CYP4F12: variants seen among roughly 807,000 people sequenced by gnomAD.
CYP4F12 encodes cytochrome P450 4F12.
In CYP4F12, 60 loss-of-function variants were observed where a neutral mutation model predicts 56.5. The observed-to-expected ratio is 1.06, with a 90% CI of 0.86 to 1.32. The LOEUF is 1.32. CYP4F12 is among the 40% of genes most tolerant of loss of function. The pLI is 0.00. For synonymous variants in CYP4F12, 263 were observed against 264.9 expected, an observed-to-expected ratio of 0.99 and a Z score of 0.07; for missense variants, 711 against 683.5, an observed-to-expected ratio of 1.04 and a Z score of -0.45.
rs1278226577 is a variant in CYP4F12, at chr19:15,696,041, T to C, written c.1221T>C (p.Val407=). 6.2e-7 allele frequency: 1 copy of C among 1,613,872 alleles called. No individual in the cohort carries two copies. Among genetic ancestry groups the C allele is most frequent in the South Asian group, 1.1e-5 (1 of 91,074 alleles). Residue 407 remains valine, a synonymous_variant, in exon 10 of 13, where the codon GTT becomes GTC. Transcript: ENST00000550308. The part of the protein sequence containing the change: ...FISRCCTQDI[V]LPDGRVIPKG... ...CCCGATGCTGCACCCAGGACATTGT[T>C]CTCCCAGATGGCCGAGTCATCCCCA...
At chr19:15,689,171 A>C (rs2007760516) in intron 9 of CYP4F12, among the ~76,000 whole-genome samples, 1 of 152,000 alleles carries the variant, frequency 6.6e-6, no homozygotes. Flanking sequence ...CAACCTACAG[A>C]GTGGGGGAAA....
At chr19:15,685,234 T>C (rs755678697) in intron 9 of CYP4F12, 37 bp downstream of exon 9, 40 of 1,604,334 alleles carry the variant, frequency 2.5e-5, no homozygotes, top group Non-Finnish European at 3.2e-5. Flanking sequence ...CCTGAGCCCA[T>C]CATTGGTTCT....
At chr19:15,690,827 C>T (rs988487317) in intron 9 of CYP4F12, among the ~76,000 whole-genome samples, 3 of 152,216 alleles carry the variant, frequency 2.0e-5, no homozygotes, top group Non-Finnish European at 4.4e-5. Flanking sequence ...CTAATATCCT[C>T]CCTTTCTCCA....
chr19:15,697,117 A>C lies in CYP4F12; in HGVS notation c.*32A>C. ...GACCCATCCACCTGTTTTTTTGCAG[A>C]TTGTCATGAATAAAACGGTGCTGTC... On this transcript the variant is annotated 3_prime_UTR_variant, in exon 13 of 13. Transcript: ENST00000550308. 1 of 1,594,204 alleles carries C rather than the reference A, an allele frequency of 6.3e-7. No homozygotes were observed. The highest frequency in any genetic ancestry group is 8.6e-7 in the Non-Finnish European group (1 of 1,166,182).
Position 15,680,520 on chromosome 19 carries a change from G to C in CYP4F12, c.525+1G>C. 1.9e-6 allele frequency: 3 copies of C among 1,614,150 alleles called. No homozygotes were observed. Among genetic ancestry groups the C allele is most frequent in the South Asian group, 2.2e-5 (2 of 91,078 alleles). ...CAACAAGAGTGCAAACATCATGCTTGTGAGTCCCTTGAAGTCTGGGTCCCA... is the reference window on the plus strand; with the variant it reads ...CAACAAGAGTGCAAACATCATGCTTCTGAGTCCCTTGAAGTCTGGGTCCCA... On this transcript the variant is annotated splice_donor_variant, in intron 5 of 12. Transcript: ENST00000550308. LOFTEE classifies it high-confidence loss of function.
rs921212771 is a variant in CYP4F12, at chr19:15,696,992, C to G, written c.1482C>G (p.Asp494Glu). ...LMLLHFRFLP[D>E]HTEPRRKLEL... ...TGCTGCACTTCCGGTTCCTGCCAGA[C>G]CACACTGAGCCCCGCAGGAAGCTGG... is the stretch of plus-strand genomic sequence containing the variant. The change falls in exon 13 of 13, where the codon GAC becomes GAG. Residue 494 changes from aspartate to glutamate, a missense_variant. Physicochemically the swap from Asp to Glu is conservative, Grantham distance 45. Transcript: ENST00000550308. 6.2e-7 allele frequency: 1 copy of G among 1,614,236 alleles called. No homozygotes were observed. Among genetic ancestry groups the G allele is most frequent in the Admixed American group, 1.7e-5 (1 of 60,024 alleles).
chr19:15,677,670 C>T (rs2007035527), intron 2 of CYP4F12, among the ~76,000 whole-genome samples: 1 of 135,170 alleles, frequency 7.4e-6, no homozygotes, highest in Non-Finnish European at 1.6e-5. Flanking sequence ...ACTCATTCCT[C>T]TCCTCACTCA....
intron 6 of CYP4F12, among the ~76,000 whole-genome samples, chr19:15,683,089 AGACAGAG>A (rs2007397702): frequency 1.3e-5 from 2 of 151,764 alleles, no homozygotes; most frequent in East Asian, 3.9e-4. Context: ...AGAGACAGAG[AGACAGAG>A]AGAGAGAGAG....
At position 15,696,195 on chromosome 19, in the gene CYP4F12, T is replaced by C; in HGVS notation, c.1284T>C (p.His428=). The change falls in exon 11 of 13, where the codon CAT becomes CAC. Residue 428 remains histidine (H), a synonymous_variant. Transcript: ENST00000550308. ...GCCTCATCGATATTATAGGGGTCCA[T>C]CACAACCCAACTGTGTGGCCGGATC... ...ITCLIDIIGV[H]HNPTVWPDPE... is the part of the protein sequence containing the mutation. The C allele has an allele frequency of 6.2e-7, 1 of 1,614,110 alleles. No homozygotes were observed. Among genetic ancestry groups the C allele is most frequent in the Non-Finnish European group, 8.5e-7 (1 of 1,179,996 alleles).
At chr19:15,686,841 A>G (rs2007630372) in intron 9 of CYP4F12, among the ~76,000 whole-genome samples, 1 of 152,178 alleles carries the variant, frequency 6.6e-6, no homozygotes, top group Non-Finnish European at 1.5e-5. Flanking sequence ...GAGGCAATGG[A>G]CTGGACATGT....
chr19:15,674,640 T>C (rs1277502000), intron 2 of CYP4F12, among the ~76,000 whole-genome samples: 2 of 16,254 alleles, frequency 1.2e-4, no homozygotes, highest in African/African-American at 2.4e-4. Flanking sequence ...TCCACTCACT[T>C]TTTGCTCTCC....
At position 15,680,327 on chromosome 19, in the gene CYP4F12, G is replaced by A. The variant is rs115910547; in HGVS notation, c.397+30G>A. The A allele has an allele frequency of 1.9e-3, 2,986 of 1,613,170 alleles. 47 individuals carry two copies. The African/African-American group carries it at 0.035, about 19-fold the overall frequency. Reference sequence around the variant, plus strand: ...GTACCTGCAGGTGAAAGGGGTTGGGGACAACCTTGCGGGGAGGGTAGGGGA... The same window carrying A: ...GTACCTGCAGGTGAAAGGGGTTGGGAACAACCTTGCGGGGAGGGTAGGGGA... On this transcript the variant is annotated intron_variant, in intron 4 of 12. Coordinates refer to ENST00000550308, the MANE Select transcript of CYP4F12 (RefSeq NM_023944.4).
chr19:15,682,554 A>C (rs368174435), intron 6 of CYP4F12, 44 bp downstream of exon 6: 12 of 1,608,776 alleles, frequency 7.5e-6, no homozygotes, highest in Non-Finnish European at 1.0e-5. Context: ...CATGGACCAA[A>C]GGGAGAAAGT....
chr19:15,684,742 A>C, intron 7 of CYP4F12, 74 bp from the exon 8 acceptor site: 6 of 1,423,144 alleles, frequency 4.2e-6, no homozygotes, highest in African/African-American at 1.5e-5. Context: ...CCGGAGTCTC[A>C]GAGATAGTAT....
At chr19:15,693,202 G>A (rs1018682781) in intron 9 of CYP4F12, among the ~76,000 whole-genome samples, 9 of 152,162 alleles carry the variant, frequency 5.9e-5, no homozygotes, top group African/African-American at 2.2e-4. Context: ...GCAACGTGTG[G>A]GGAGAAGTAA....
At chr19:15,690,662 T>G (rs1055126836) in intron 9 of CYP4F12, among the ~76,000 whole-genome samples, 6 of 152,252 alleles carry the variant, frequency 3.9e-5, no homozygotes, top group Non-Finnish European at 8.8e-5. Context: ...AATTTTCTTC[T>G]GTTTTAAGGC....
At chr19:15,685,021 T>C in intron 8 of CYP4F12, 47 bp from the exon 9 acceptor site, 2 of 1,598,896 alleles carry the variant, frequency 1.3e-6, no homozygotes, top group East Asian at 2.2e-5. Flanking sequence ...ATCTGGGCGC[T>C]GTCCACCCTC....
At chr19:15,675,300 G>A (rs2144704097) in intron 2 of CYP4F12, among the ~76,000 whole-genome samples, 1 of 149,318 alleles carries the variant, frequency 6.7e-6, no homozygotes, top group East Asian at 2.0e-4. Flanking sequence ...TGTGTCCACA[G>A]GTGCACAGGA....
chr19:15,687,094 G>A (rs1166809431), intron 9 of CYP4F12, among the ~76,000 whole-genome samples: 5 of 152,206 alleles, frequency 3.3e-5, no homozygotes, highest in South Asian at 2.1e-4. Flanking sequence ...TGGCTAACAC[G>A]GTGAAACCCC....
Sources: allele counts gnomAD v4.1 joint callset (sites outside exome capture counted in the v4.1 genomes callset), GRCh38; gene constraint gnomAD v4.1.1; transcripts MANE v1.5; gene names NCBI Gene and HGNC (gene_info 2026-07-23, HGNC 2026-07-21).